PCDHGB6: variants seen among roughly 807,000 people sequenced by gnomAD.
The protein encoded by PCDHGB6 is protocadherin gamma-B6.
In PCDHGB6, 51 loss-of-function variants were observed where a neutral mutation model predicts 59.1. The observed-to-expected ratio is 0.86, with a 90% confidence interval of 0.69 to 1.09. The LOEUF (loss-of-function observed/expected upper bound fraction) is 1.09, where lower values mean the gene tolerates loss of function less well. Ranked by LOEUF, PCDHGB6 falls within the 50% of genes least tolerant of loss-of-function variation. PCDHGB6 has a pLI of 0.00. For missense variants in PCDHGB6, 1,148 were observed against 1,205.1 expected (o/e 0.95, Z 0.70); for synonymous variants, 466 against 495.1 (o/e 0.94, Z 0.78).
intron 1 of PCDHGB6, among the ~76,000 whole-genome samples, chr5:141,449,868 T>C (rs902371897): frequency 1.3e-5 from 2 of 151,910 alleles, no homozygotes; most frequent in African/African-American, 4.8e-5. Flanking sequence ...AATCAGAAAA[T>C]TTAACATCAA....
chr5:141,427,483 A>G lies in PCDHGB6; in HGVS notation c.2418+16863A>G, dbSNP rs759092057. The G allele has an allele frequency of 1.5e-4, 79 of 535,350 alleles. 2 individuals carry two copies. The highest frequency in any genetic ancestry group is 1.1e-3 in the South Asian group (73 of 65,268). 33.2% of individuals were successfully genotyped at this position (535,350 alleles called of 1,614,324 possible). ...ATCGAATCTTCCGCCAATAATGACT[A>G]TAAGCTTGTAACAGATGGGACCCTG... On this transcript the variant is annotated intron_variant, in intron 1 of 3. Coordinates refer to ENST00000520790, the MANE Select transcript of PCDHGB6 (RefSeq NM_018926.3).
intron 1 of PCDHGB6, chr5:141,424,522 T>C (rs2096826398): frequency 6.6e-6 from 1 of 152,212 alleles, no homozygotes; most frequent in South Asian, 2.1e-4. Flanking sequence ...ATGTAGTAAA[T>C]CCATATATAG....
At chr5:141,463,692 C>A (rs1482988660) in intron 1 of PCDHGB6, among the ~76,000 whole-genome samples, 2 of 151,934 alleles carry the variant, frequency 1.3e-5, no homozygotes, top group Non-Finnish European at 2.9e-5. Flanking sequence ...GTGATCTGCT[C>A]ACCTCGGCCT....
chr5:141,488,815 T>A (rs769851687), intron 1 of PCDHGB6, among the ~76,000 whole-genome samples: 30 of 152,144 alleles, frequency 2.0e-4, no homozygotes, highest in Non-Finnish European at 4.1e-4. Context: ...ATCTGAGCTG[T>A]CAAACTTTGC....
intron 2 of PCDHGB6, among the ~76,000 whole-genome samples, chr5:141,495,601 G>A (rs1315613802): frequency 3.3e-5 from 5 of 152,004 alleles, no homozygotes; most frequent in South Asian, 2.1e-4. Context: ...CTTAGCTTCC[G>A]TCTTGATTGC....
At position 141,491,466 on chromosome 5, in the gene PCDHGB6, T is replaced by C; in HGVS notation, c.2419-3341T>C. The C allele has an allele frequency of 6.2e-7, 1 of 1,614,068 alleles. No homozygotes were observed. The highest frequency in any genetic ancestry group is 8.5e-7 in the Non-Finnish European group (1 of 1,179,986). ...AGGACTCACCCTCCCCGGACTTCTA[T>C]AAGCAGTCCAGCCCCAACCTGCAGG... On this transcript the variant is annotated intron_variant, in intron 1 of 3. Transcript: ENST00000520790. The surrounding 1 kb of genome is among the most constrained non-coding windows in gnomAD (Gnocchi z 6.9).
Position 141,409,036 on chromosome 5 carries a change from C to T in PCDHGB6, c.834C>T (p.Asn278=). Residue 278 remains asparagine (N), a synonymous_variant, in exon 1 of 4, where the codon AAC becomes AAT. Transcript: ENST00000520790. ...ATGAGGGGGTCAATGCTGAGATAAA[C>T]TACTACTTCCGAAGCACTGCCCAGA... ...DQDEGVNAEI[N]YYFRSTAQST... The T allele has an allele frequency of 6.2e-7, 1 of 1,614,020 alleles. No homozygotes were observed. Among genetic ancestry groups the T allele is most frequent in the Non-Finnish European group, 8.5e-7 (1 of 1,179,902 alleles).
chr5:141,410,710 CAT>C lies in PCDHGB6; in HGVS notation c.2418+93_2418+94del, dbSNP rs140431021. 1.9e-3 allele frequency: 2,785 copies of C among 1,444,504 alleles called. 45 individuals are homozygous for C. In the African/African-American group the frequency reaches 0.033, roughly 17 times the overall value. The allele number at this position is 1,444,504 out of a possible 1,614,324, so 89.5% of individuals were successfully genotyped here. On this transcript the variant is annotated intron_variant, in intron 1 of 3. Coordinates refer to ENST00000520790, the MANE Select transcript of PCDHGB6 (RefSeq NM_018926.3). ...ACTACTTTATTTTCATATCTAGAATCATATGTTTAAAATCCATAGCTTTTTAC... is the reference window on the plus strand; with the variant it reads ...ACTACTTTATTTTCATATCTAGAATCATGTTTAAAATCCATAGCTTTTTAC...
chr5:141,478,532 G>T, intron 1 of PCDHGB6: 1 of 1,607,858 alleles, frequency 6.2e-7, no homozygotes, highest in East Asian at 2.2e-5. Flanking sequence ...TGCAGAGAGC[G>T]CCCCTCCCGG....
At chr5:141,465,852 G>A (rs1250863307) in intron 1 of PCDHGB6, among the ~76,000 whole-genome samples, 1 of 151,996 alleles carries the variant, frequency 6.6e-6, no homozygotes, top group East Asian at 1.9e-4. Context: ...GCTGGGCCCA[G>A]TGGCTCATGC....
intron 1 of PCDHGB6, among the ~76,000 whole-genome samples, chr5:141,469,538 G>A (rs2099204234): frequency 6.6e-6 from 1 of 152,168 alleles, no homozygotes; most frequent in Non-Finnish European, 1.5e-5. Flanking sequence ...TTGTGCCACT[G>A]CACTCCAGCC....
At chr5:141,461,063 C>T (rs1472437531) in intron 1 of PCDHGB6, among the ~76,000 whole-genome samples, 1 of 151,796 alleles carries the variant, frequency 6.6e-6, no homozygotes, top group Non-Finnish European at 1.5e-5. Flanking sequence ...GTTGGTTTCA[C>T]ATTTTTGCAA....
At chr5:141,504,785 G>A (rs1439244687) in intron 2 of PCDHGB6, among the ~76,000 whole-genome samples, 1 of 151,964 alleles carries the variant, frequency 6.6e-6, no homozygotes, top group East Asian at 1.9e-4. Context: ...GTCTCTTGGG[G>A]CCTCCTACAT....
intron 1 of PCDHGB6, chr5:141,484,853 G>T (rs747582810): frequency 2.5e-4 from 64 of 251,466 alleles, no homozygotes; most frequent in Non-Finnish European, 4.3e-4. Flanking sequence ...GGGTTTTTTG[G>T]GGGGTGGGGG....
At chr5:141,462,781 G>C (rs893647456) in intron 1 of PCDHGB6, among the ~76,000 whole-genome samples, 1 of 152,102 alleles carries the variant, frequency 6.6e-6, no homozygotes, top group Non-Finnish European at 1.5e-5. Flanking sequence ...GTCATAATTT[G>C]TTGCTTATTT....
At chr5:141,423,277 A>G (rs749771302) in intron 1 of PCDHGB6, 4 of 1,613,988 alleles carry the variant, frequency 2.5e-6, no homozygotes, top group Non-Finnish European at 8.5e-7. Flanking sequence ...GTCTCTGGCT[A>G]ACTCTGAAAC....
intron 1 of PCDHGB6, chr5:141,419,384 G>T (rs1383174444): frequency 1.2e-6 from 2 of 1,613,554 alleles, no homozygotes; most frequent in East Asian, 2.2e-5. Flanking sequence ...GTCCGTGAGC[G>T]CGCAGAGCGG....
rs189734474 is a variant in PCDHGB6, at chr5:141,512,858, G to T, written c.*1685G>T. 1 of 152,296 alleles carries T rather than the reference G, an allele frequency of 6.6e-6. No individual in the cohort carries two copies. The highest frequency in any genetic ancestry group is 1.9e-4 in the East Asian group (1 of 5,182). 9.4% of individuals were successfully genotyped at this position (152,296 alleles called of 1,614,324 possible). ...ACTTCTCCTATAAGCGCTTCTCTTC[G>T]CATAGTCACGTAGCTCCCACCCCAC... On this transcript the variant is annotated 3_prime_UTR_variant, in exon 4 of 4. Coordinates refer to ENST00000520790, the MANE Select transcript of PCDHGB6 (RefSeq NM_018926.3).
At chr5:141,414,640 G>A (rs1035735674) in intron 1 of PCDHGB6, 2 of 1,613,838 alleles carry the variant, frequency 1.2e-6, no homozygotes, top group Non-Finnish European at 1.7e-6. Flanking sequence ...CAAAGAGAAT[G>A]CCCAGATTAT....
Sources: gnomAD v4.1 joint callset for allele counts (sites outside exome capture counted in the v4.1 genomes callset) on GRCh38, gnomAD v4.1.1 for gene constraint, Gnocchi (gnomAD v3.1) non-coding constraint, MANE v1.5 for transcripts, NCBI Gene and HGNC (gene_info 2026-07-23, HGNC 2026-07-21) for gene names.